Variants in SRGAP3 observed in about 807,000 individuals in gnomAD.
SRGAP3 encodes SLIT-ROBO Rho GTPase-activating protein 3.
A neutral mutation model predicts 121.1 loss-of-function variants in SRGAP3; 39 were observed. That is an observed-to-expected ratio of 0.32 (90% confidence interval 0.25 to 0.42). SRGAP3 has a LOEUF of 0.42. Ranked by LOEUF, SRGAP3 falls within the 10% of genes least tolerant of loss-of-function variation. SRGAP3 has a pLI of 1.00. For missense variants in SRGAP3, 1,213 were observed against 1,470.6 expected (o/e 0.82, Z 2.86); for synonymous variants, 601 against 570.0 (o/e 1.05, Z -0.77).
chr3:9,027,999 G>T, intron 12 of SRGAP3: 1 of 1,373,960 alleles, frequency 7.3e-7, no homozygotes, highest in South Asian at 1.2e-5. Flanking sequence ...CAAGAATATG[G>T]ACCCATCAGC....
At chr3:9,002,072 G>A (rs1195360019) in intron 18 of SRGAP3, among the ~76,000 whole-genome samples, 1 of 152,042 alleles carries the variant, frequency 6.6e-6, no homozygotes, top group Non-Finnish European at 1.5e-5. Flanking sequence ...GACCTAACAG[G>A]CATGTATAGA....
intron 14 of SRGAP3, among the ~76,000 whole-genome samples, chr3:9,022,059 T>C (rs1943950590): frequency 6.6e-6 from 1 of 152,232 alleles, no homozygotes; most frequent in Non-Finnish European, 1.5e-5. Context: ...CCAGGCGCAG[T>C]GGCTCACGCC....
At position 9,356,192 on chromosome 3, in the gene SRGAP3, C is replaced by CT. The variant is rs929664300; in HGVS notation, n.214+6647dup. ...AGACCTGTTTATGGGACTTTTTTTT[C>CT]TTTTTTTTTTTTTTTTTTTGAGACA... On this transcript the variant is annotated intron_variant and non_coding_transcript_variant, in intron 1 of 3. Coordinates refer to the SRGAP3 transcript ENST00000490889. Among the ~76,000 whole-genome samples, 731 of 122,308 alleles carry CT rather than the reference C, an allele frequency of 6.0e-3. 3 individuals are homozygous for CT. Among genetic ancestry groups the CT allele is most frequent in the Non-Finnish European group, 8.6e-3 (482 of 55,942 alleles). 80.2% of individuals were successfully genotyped at this position (122,308 alleles called of 152,430 possible). A position where few individuals can be genotyped will look rare whatever the true frequency, so the allele number is the denominator to read the frequency against.
At chr3:9,136,039 A>G (rs959953007) in intron 1 of SRGAP3, among the ~76,000 whole-genome samples, 8 of 152,206 alleles carry the variant, frequency 5.3e-5, no homozygotes, top group African/African-American at 1.9e-4. Flanking sequence ...GCACCGAGCT[A>G]AGTGTTTCCC....
intron 10 of SRGAP3, among the ~76,000 whole-genome samples, chr3:9,039,426 C>T (rs572706784): frequency 5.9e-5 from 9 of 152,194 alleles, no homozygotes; most frequent in Admixed American, 2.6e-4. Flanking sequence ...CCAGATCTTA[C>T]GCTTCCCTAG....
intron 3 of SRGAP3, among the ~76,000 whole-genome samples, chr3:9,305,820 T>G (rs1331556565): frequency 1.3e-5 from 2 of 152,228 alleles, no homozygotes; most frequent in Non-Finnish European, 2.9e-5. Flanking sequence ...TGATAGACAT[T>G]TGGGCTGGTT....
intron 18 of SRGAP3, among the ~76,000 whole-genome samples, chr3:9,004,654 T>A (rs1350898959): frequency 6.6e-6 from 1 of 152,190 alleles, no homozygotes; most frequent in Non-Finnish European, 1.5e-5. Context: ...ACAAGGGTGC[T>A]AAGACCATTC....
intron 3 of SRGAP3, among the ~76,000 whole-genome samples, chr3:9,270,479 T>C (rs1012412409): frequency 2.0e-5 from 3 of 152,194 alleles, no homozygotes; most frequent in Non-Finnish European, 2.9e-5. Flanking sequence ...TTACCTTGAC[T>C]GGGGTGGTAG....
In SRGAP3 at chr3:8,984,069, G is replaced by A. The variant is rs1418684018; in HGVS notation, c.*1450C>T. The A allele has an allele frequency of 5.6e-5, 13 of 231,932 alleles. No individual in the cohort carries two copies. The highest frequency in any genetic ancestry group is 2.8e-4 in the Admixed American group (5 of 17,730). 14.4% of individuals were successfully genotyped at this position (231,932 alleles called of 1,614,324 possible). A position where few individuals can be genotyped will look rare whatever the true frequency, so the allele number is the denominator to read the frequency against. The stretch of plus-strand genomic sequence containing the variant: ...AGGTAAAATGGAATCGAAGGAGAGC[G>A]ACCCGGAAGGGCTTTACTTGGCCAA... On this transcript the variant is annotated 3_prime_UTR_variant, in exon 22 of 22. Transcript: ENST00000383836.
intron 1 of SRGAP3, among the ~76,000 whole-genome samples, chr3:9,147,799 G>A (rs1472307317): frequency 1.3e-5 from 2 of 152,180 alleles, no homozygotes; most frequent in African/African-American, 4.8e-5. Flanking sequence ...GAAGCCTCCA[G>A]GAGAAAGGAA....
chr3:9,137,722 G>T lies in SRGAP3; in HGVS notation c.68-12805C>A, dbSNP rs1328361577. ...GTGCTAAACCAGTGCCCCTGAATAGGAAGCAGGCAGCAGAAAGCAGAATGG... is the reference window on the plus strand; with the variant it reads ...GTGCTAAACCAGTGCCCCTGAATAGTAAGCAGGCAGCAGAAAGCAGAATGG... On this transcript the variant is annotated intron_variant, in intron 1 of 21. Coordinates refer to ENST00000383836, the MANE Select transcript of SRGAP3 (RefSeq NM_014850.4). Among the ~76,000 whole-genome samples, 4 of 152,144 alleles carry T rather than the reference G, an allele frequency of 2.6e-5. No individual in the cohort carries two copies. In the East Asian group the frequency reaches 7.7e-4, roughly 29 times the overall value.
intron 10 of SRGAP3, among the ~76,000 whole-genome samples, chr3:9,045,566 A>G (rs183134761): frequency 6.6e-5 from 10 of 152,174 alleles, no homozygotes; most frequent in Non-Finnish European, 1.2e-4. Context: ...ATCAATCATC[A>G]TCATTTGAGT....
At chr3:9,284,602 G>T (rs1954735899) in intron 3 of SRGAP3, among the ~76,000 whole-genome samples, 1 of 152,190 alleles carries the variant, frequency 6.6e-6, no homozygotes, top group African/African-American at 2.4e-5. Context: ...AGGCTGATCG[G>T]ATGGATTATT....
rs1474301314 is a variant in SRGAP3 at position 8,990,553 on chromosome 3, G to A, written c.2845C>T (p.Leu949=). The A allele has an allele frequency of 6.3e-7, 1 of 1,576,650 alleles. No homozygotes were observed. Among genetic ancestry groups the A allele is most frequent in the Non-Finnish European group, 8.6e-7 (1 of 1,161,248 alleles). The change falls in exon 21 of 22, where the codon CTA becomes TTA. Residue 949 remains leucine (L), a synonymous_variant. Coordinates refer to ENST00000383836, the MANE Select transcript of SRGAP3 (RefSeq NM_014850.4). ...GCCTCCAGGGACTTGTGGTCCCCTAGGCTGCTGTGCCTGGTGGAACCGCAG... is the reference window on the plus strand; with the variant it reads ...GCCTCCAGGGACTTGTGGTCCCCTAAGCTGCTGTGCCTGGTGGAACCGCAG... ...STCGSTRHSS[L]GDHKSLEAEA...
intron 1 of SRGAP3, among the ~76,000 whole-genome samples, chr3:9,240,089 A>G (rs1386888011): frequency 6.6e-6 from 1 of 152,226 alleles, no homozygotes; most frequent in Non-Finnish European, 1.5e-5. Flanking sequence ...TGTTTATTCT[A>G]GAACTTCCAA....
chr3:9,206,819 T>A (rs1952282140), intron 1 of SRGAP3, among the ~76,000 whole-genome samples: 1 of 152,198 alleles, frequency 6.6e-6, no homozygotes, highest in Admixed American at 6.5e-5. Context: ...GTCTCCTTCA[T>A]CGCACCTATC....
At chr3:9,284,180 C>G (rs531706552) in intron 3 of SRGAP3, among the ~76,000 whole-genome samples, 1 of 152,066 alleles carries the variant, frequency 6.6e-6, no homozygotes, top group South Asian at 2.1e-4. Context: ...AACAGTCACA[C>G]AAGTGCTCTT....
At chr3:9,122,938 G>A (rs1174419039) in intron 2 of SRGAP3, among the ~76,000 whole-genome samples, 1 of 152,104 alleles carries the variant, frequency 6.6e-6, no homozygotes, top group African/African-American at 2.4e-5. Flanking sequence ...CGCGACCCAA[G>A]TGTCCACCAA....
At chr3:9,357,826 T>G (rs1251247252) in intron 1 of SRGAP3, among the ~76,000 whole-genome samples, 2 of 152,120 alleles carry the variant, frequency 1.3e-5, no homozygotes, top group African/African-American at 2.4e-5. Flanking sequence ...CAAAGTTTCC[T>G]TTTTCCTTTA....
Sources: gnomAD v4.1 joint callset for allele counts (sites outside exome capture counted in the v4.1 genomes callset) on GRCh38, gnomAD v4.1.1 for gene constraint, MANE v1.5 for transcripts, NCBI Gene and HGNC (gene_info 2026-07-23, HGNC 2026-07-21) for gene names.